Variants in CSMD1 observed in about 807,000 individuals in gnomAD.
CSMD1 encodes the protein CUB and Sushi multiple domains 1.
CSMD1 carries 213 observed loss-of-function variants against 417.5 expected under a neutral mutation model. The observed-to-expected ratio is 0.51, with a 90% CI of 0.46 to 0.57. The LOEUF (loss-of-function observed/expected upper bound fraction) is 0.57, where lower values mean the gene tolerates loss of function less well. Ranked by LOEUF, CSMD1 falls within the 20% of genes least tolerant of loss-of-function variation. The pLI is 0.00. For synonymous variants in CSMD1, 2,862 were observed against 1,736.8 expected, an observed-to-expected ratio of 1.65 and a Z score of -16.11; for missense variants, 6,923 against 4,529.7, an observed-to-expected ratio of 1.53 and a Z score of -15.17.
At chr8:4,369,727 G>A (rs1290805573) in intron 3 of CSMD1, among the ~76,000 whole-genome samples, 2 of 152,106 alleles carry the variant, frequency 1.3e-5, no homozygotes, top group African/African-American at 4.8e-5. Flanking sequence ...TTGGTTTAAA[G>A]ATCGTTTTCT....
At chr8:4,904,904 T>C (rs1482078286) in intron 1 of CSMD1, among the ~76,000 whole-genome samples, 1 of 152,182 alleles carries the variant, frequency 6.6e-6, no homozygotes, top group African/African-American at 2.4e-5. Context: ...AAAAAGAGCC[T>C]GCAAGCACTT....
At position 4,031,934 on chromosome 8, in the gene CSMD1, G is replaced by A. The variant is rs182008127; in HGVS notation, c.581C>T (p.Ser194Leu). The A allele has an allele frequency of 8.2e-5, 133 of 1,613,790 alleles. No homozygotes were observed. In the East Asian group the frequency reaches 1.2e-3, roughly 14 times the overall value. The change falls in exon 4 of 70, where the codon TCG becomes TTG. Residue 194 changes from serine to leucine, a missense_variant. Ser to Leu is a moderately radical substitution (Grantham distance 145). Coordinates refer to ENST00000635120, the MANE Select transcript of CSMD1 (RefSeq NM_033225.6). The stretch of plus-strand genomic sequence containing the variant: ...GCAAAAGGGAGCTGGGAAGTCCCAC[G>A]ATGCACCATTTCCTGGGCTGACGAT... ...TCIVSPGNGA[S>L]WDFPAPFCRA...
intron 41 of CSMD1, among the ~76,000 whole-genome samples, chr8:3,131,350 AG>A (rs1295423911): frequency 1.3e-5 from 2 of 151,888 alleles, no homozygotes; most frequent in Non-Finnish European, 2.9e-5. Context: ...TAATAATAAA[AG>A]AAAAAAAAGA....
At position 3,315,827 on chromosome 8, in the gene CSMD1, G is replaced by A. The variant is rs146730660; in HGVS notation, c.3632-7324C>T. On this transcript the variant is annotated intron_variant, in intron 23 of 69. Coordinates refer to ENST00000635120, the MANE Select transcript of CSMD1 (RefSeq NM_033225.6). ...AAGCAAACTTTTAATAAATCATAAA[G>A]CAAGTTAATCATACCTAAGAATTTA... Among the ~76,000 whole-genome samples, 261 of 152,216 alleles carry A rather than the reference G, an allele frequency of 1.7e-3. 1 individual carries two copies. Among genetic ancestry groups the A allele is most frequent in the African/African-American group, 6.0e-3 (248 of 41,544 alleles).
intron 1 of CSMD1, among the ~76,000 whole-genome samples, chr8:4,964,284 G>T (rs1236640894): frequency 1.3e-5 from 2 of 151,678 alleles, no homozygotes; most frequent in Non-Finnish European, 2.9e-5. Flanking sequence ...GAGGCAAAGG[G>T]GGGCAAATTG....
chr8:4,041,111 G>C (rs1270202412), intron 3 of CSMD1, among the ~76,000 whole-genome samples: 2 of 148,342 alleles, frequency 1.3e-5, no homozygotes, highest in African/African-American at 2.5e-5. Context: ...CCGCCTCCCG[G>C]GTTCCCGCCA....
intron 6 of CSMD1, among the ~76,000 whole-genome samples, chr8:3,714,674 T>C (rs1206989609): frequency 3.3e-5 from 5 of 151,564 alleles, no homozygotes; most frequent in African/African-American, 1.2e-4. Context: ...GAGGCAGAGT[T>C]TGCAGTGAGC....
intron 8 of CSMD1, among the ~76,000 whole-genome samples, chr8:3,599,159 GTGTC>G (rs150611449): frequency 0.095 from 13,780 of 144,922 alleles, 1,089 homozygotes; most frequent in African/African-American, 0.22. Context: ...GTCTGTGTGT[GTGTC>G]TGTGTGTGTG....
intron 1 of CSMD1, among the ~76,000 whole-genome samples, chr8:4,717,972 T>A (rs1211513210): frequency 2.0e-5 from 3 of 152,098 alleles, no homozygotes; most frequent in Non-Finnish European, 4.4e-5. Flanking sequence ...TCTATCAAAC[T>A]TATTTTATTT....
intron 25 of CSMD1, among the ~76,000 whole-genome samples, chr8:3,296,023 G>C: frequency 6.6e-6 from 1 of 151,896 alleles, no homozygotes; most frequent in Non-Finnish European, 1.5e-5. Flanking sequence ...AATAATACAG[G>C]GAAGAGACAG....
intron 55 of CSMD1, among the ~76,000 whole-genome samples, chr8:2,977,295 G>C (rs1805009562): frequency 6.6e-6 from 1 of 151,982 alleles, no homozygotes; most frequent in African/African-American, 2.4e-5. Flanking sequence ...AGTGAGTGTT[G>C]GTCCTCTCCC....
intron 2 of CSMD1, among the ~76,000 whole-genome samples, chr8:4,512,389 T>A (rs757984993): frequency 6.6e-5 from 10 of 152,150 alleles, no homozygotes; most frequent in Non-Finnish European, 1.0e-4. Flanking sequence ...AAGGCACAAA[T>A]GTCCCCTTTC....
chr8:3,756,990 T>TG (rs1038672607), intron 5 of CSMD1, among the ~76,000 whole-genome samples: 6 of 152,114 alleles, frequency 3.9e-5, no homozygotes, highest in East Asian at 1.9e-4. Flanking sequence ...TTGTAGAGAC[T>TG]GGGGGTCTCA....
intron 26 of CSMD1, among the ~76,000 whole-genome samples, chr8:3,253,534 G>A (rs1241152614): frequency 6.6e-6 from 1 of 152,164 alleles, no homozygotes; most frequent in African/African-American, 2.4e-5. Flanking sequence ...TTCTGTAGAT[G>A]TCTATTAGGT....
intron 3 of CSMD1, among the ~76,000 whole-genome samples, chr8:4,216,865 C>G (rs1371796091): frequency 6.6e-6 from 1 of 152,200 alleles, no homozygotes; most frequent in African/African-American, 2.4e-5. Flanking sequence ...ACCAGCTTGA[C>G]AGTCTCCCTT....
At chr8:4,198,880 T>C (rs1799490780) in intron 3 of CSMD1, among the ~76,000 whole-genome samples, 1 of 152,198 alleles carries the variant, frequency 6.6e-6, no homozygotes. Context: ...CCCTTCCTTT[T>C]AATTTAATTA....
At chr8:3,763,239 C>A (rs547888810) in intron 5 of CSMD1, among the ~76,000 whole-genome samples, 2 of 152,108 alleles carry the variant, frequency 1.3e-5, no homozygotes, top group African/African-American at 4.8e-5. Flanking sequence ...TGTTATGATG[C>A]CAGCTAGGGT....
chr8:3,662,413 C>A (rs1384406006), intron 7 of CSMD1, among the ~76,000 whole-genome samples: 3 of 152,186 alleles, frequency 2.0e-5, no homozygotes, highest in Admixed American at 6.5e-5. Flanking sequence ...AGACTCCATG[C>A]CACATTTTCT....
chr8:4,116,820 G>C (rs1204296852), intron 3 of CSMD1, among the ~76,000 whole-genome samples: 2 of 130,798 alleles, frequency 1.5e-5, no homozygotes, highest in Non-Finnish European at 3.4e-5. Context: ...CTAAAAAATA[G>C]GGTCTATTAA....
Sources: gnomAD v4.1 joint callset for allele counts (sites outside exome capture counted in the v4.1 genomes callset) on GRCh38, gnomAD v4.1.1 for gene constraint, MANE v1.5 for transcripts, NCBI Gene and HGNC (gene_info 2026-07-23, HGNC 2026-07-21) for gene names.